Variants in NAV1 observed in about 807,000 individuals in gnomAD.
The protein encoded by NAV1 is pore membrane and/or filament interacting like protein 3.
A neutral mutation model predicts 175.2 loss-of-function variants in NAV1; 18 were observed. That is an observed-to-expected ratio of 0.10 (90% CI 0.07 to 0.15). NAV1 has a LOEUF of 0.15. Ranked by LOEUF, NAV1 falls within the 10% of genes least tolerant of loss-of-function variation. The pLI is 1.00. For synonymous variants in NAV1, 897 were observed against 978.7 expected, an observed-to-expected ratio of 0.92 and a Z score of 1.56; for missense variants, 1,731 against 2,436.6, an observed-to-expected ratio of 0.71 and a Z score of 6.10.
intron 2 of NAV1, among the ~76,000 whole-genome samples, chr1:201,610,584 T>G (rs997037256): frequency 3.9e-5 from 6 of 152,208 alleles, no homozygotes; most frequent in Non-Finnish European, 8.8e-5. Flanking sequence ...GAGATCTCCA[T>G]GTCCTGCCTC....
At chr1:201,684,969 A>C (rs1670622803) in intron 1 of NAV1, among the ~76,000 whole-genome samples, 2 of 151,058 alleles carry the variant, frequency 1.3e-5, no homozygotes, top group Admixed American at 1.3e-4. Context: ...CTCAAAAAAA[A>C]AAAAAAAACC....
In NAV1 at chr1:201,803,577, T is replaced by A. The variant is rs1438044882; in HGVS notation, c.3518-16T>A. On this transcript the variant is annotated splice_polypyrimidine_tract_variant and intron_variant, in intron 15 of 29. Coordinates refer to ENST00000367296, the Ensembl canonical transcript of NAV1. ...TAAATCTGTTCTATGTTTTTCCCAC[T>A]TGTACTTGGCCCTAGAACTTCGGAT... The A allele has an allele frequency of 2.5e-6, 4 of 1,611,492 alleles. No individual in the cohort carries two copies. In the Admixed American group the frequency reaches 6.7e-5, roughly 27 times the overall value.
At chr1:201,557,690 C>G (rs555586682) in intron 1 of NAV1, among the ~76,000 whole-genome samples, 1 of 152,274 alleles carries the variant, frequency 6.6e-6, no homozygotes, top group South Asian at 2.1e-4. Context: ...CTAGATAGAA[C>G]AAGTAATTAA....
At chr1:201,690,862 A>G (rs988966494) in intron 1 of NAV1, among the ~76,000 whole-genome samples, 5 of 152,238 alleles carry the variant, frequency 3.3e-5, no homozygotes, top group African/African-American at 9.6e-5. Context: ...TCTCTTCCCC[A>G]GGAAAATGAA....
chr1:201,701,028 A>G (rs978523655), intron 1 of NAV1, among the ~76,000 whole-genome samples: 5 of 150,138 alleles, frequency 3.3e-5, no homozygotes, highest in Non-Finnish European at 7.4e-5. Context: ...AAAAAAAAAA[A>G]AAAAGAAAGA....
intron 1 of NAV1, chr1:201,673,394 G>A (rs892299887): frequency 2.0e-5 from 3 of 152,242 alleles, no homozygotes; most frequent in African/African-American, 7.2e-5. Context: ...GGGAGATGGA[G>A]AGACAGTGAA....
chr1:201,712,511 G>A (rs920098015), intron 1 of NAV1, among the ~76,000 whole-genome samples: 2 of 152,206 alleles, frequency 1.3e-5, no homozygotes, highest in African/African-American at 2.4e-5. Flanking sequence ...GAGAAGCAGG[G>A]CCTCCCCAAA....
At chr1:201,781,773 CTT>C (rs1301904030) in intron 5 of NAV1, among the ~76,000 whole-genome samples, 1 of 152,174 alleles carries the variant, frequency 6.6e-6, no homozygotes, top group Non-Finnish European at 1.5e-5. Flanking sequence ...CCTTGGGTAA[CTT>C]TTAGCCTTAA....
chr1:201,596,512 G>A (rs1418835093), intron 2 of NAV1, among the ~76,000 whole-genome samples: 1 of 152,188 alleles, frequency 6.6e-6, no homozygotes, highest in Non-Finnish European at 1.5e-5. Flanking sequence ...GAACTCCTCA[G>A]GACTTTTTGT....
rs1298076431 is a variant in NAV1, at chr1:201,808,804, A to G, written c.4140A>G (p.Leu1380=). Residue 1380 remains leucine (L), a synonymous_variant, in exon 20 of 30, where the codon TTA becomes TTG. Transcript: ENST00000367296. The surrounding 1 kb of genome is among the most constrained non-coding windows in gnomAD (Gnocchi z 5.5). ...GGCAGGTCCCTGGATCATCTGCATTATCTTCCCCACGCCGCTCCCTAGGCC... is the reference window on the plus strand; with the variant it reads ...GGCAGGTCCCTGGATCATCTGCATTGTCTTCCCCACGCCGCTCCCTAGGCC... 26 of 1,614,010 alleles carry G rather than the reference A, an allele frequency of 1.6e-5. 2 individuals carry two copies. The South Asian group carries it at 2.7e-4, about 17-fold the overall frequency.
At chr1:201,548,087 C>T (rs1048205941) in intron 1 of NAV1, among the ~76,000 whole-genome samples, 1 of 152,256 alleles carries the variant, frequency 6.6e-6, no homozygotes, top group Non-Finnish European at 1.5e-5. Context: ...CCACTGTGCC[C>T]AGCCCACTAG....
chr1:201,649,407 C>A, exon 1 of NAV1: 1 of 1,570,434 alleles, frequency 6.4e-7, no homozygotes. Flanking sequence ...GGAGCAGCTG[C>A]TCTTCAGCCA....
At chr1:201,585,098 C>T (rs1213610816) in intron 1 of NAV1, among the ~76,000 whole-genome samples, 1 of 151,360 alleles carries the variant, frequency 6.6e-6, no homozygotes, top group African/African-American at 2.4e-5. Flanking sequence ...GGGGCCTGAT[C>T]TTCTCCCCAG....
chr1:201,573,308 G>GAT (rs987841304), intron 1 of NAV1, among the ~76,000 whole-genome samples: 2 of 144,216 alleles, frequency 1.4e-5, no homozygotes, highest in African/African-American at 5.5e-5. Flanking sequence ...TTCATCTCCT[G>GAT]ATATGTGTGT....
At chr1:201,755,572 A>G (rs992168672) in intron 3 of NAV1, among the ~76,000 whole-genome samples, 3 of 152,232 alleles carry the variant, frequency 2.0e-5, no homozygotes, top group African/African-American at 7.2e-5. Context: ...GCTGCAGGAT[A>G]GGAACTAAAC....
rs566214709 is a variant in NAV1, at chr1:201,562,171, AT to A, written c.-144+22846del. On this transcript the variant is annotated intron_variant, in intron 1 of 33. Coordinates refer to the NAV1 transcript ENST00000685211. ...AGGCACACACCACCTTGCCTGGCTAATTTTTTTTTTTTTTTTTGTAGAGACA... is the reference window on the plus strand; with the variant it reads ...AGGCACACACCACCTTGCCTGGCTAATTTTTTTTTTTTTTTTGTAGAGACA... Among the ~76,000 whole-genome samples, 662 of 127,182 alleles carry A rather than the reference AT, an allele frequency of 5.2e-3. 6 individuals are homozygous for A. Among genetic ancestry groups the A allele is most frequent in the African/African-American group, 0.014 (418 of 30,798 alleles). 83.4% of individuals were successfully genotyped at this position (127,182 alleles called of 152,430 possible). A position where few individuals can be genotyped will look rare whatever the true frequency, so the allele number is the denominator to read the frequency against.
At chr1:201,800,760 A>T (rs1226201682) in intron 15 of NAV1, among the ~76,000 whole-genome samples, 3 of 149,822 alleles carry the variant, frequency 2.0e-5, no homozygotes, top group Admixed American at 2.0e-4. Context: ...ACATATATGG[A>T]TACGTATATT....
chr1:201,708,253 A>G (rs1571898268), intron 1 of NAV1, among the ~76,000 whole-genome samples: 1 of 128,526 alleles, frequency 7.8e-6, no homozygotes, highest in Admixed American at 7.8e-5. Context: ...CTGGGTTGGG[A>G]GAGACTTGCA....
exon 9 of NAV1, chr1:201,786,534 A>C (rs754362505): frequency 1.2e-6 from 2 of 1,613,938 alleles, no homozygotes; most frequent in Admixed American, 3.3e-5. Flanking sequence ...CTCCCCCTGC[A>C]CTTCCCATGT....
Sources: allele counts gnomAD v4.1 joint callset (sites outside exome capture counted in the v4.1 genomes callset), GRCh38; gene constraint gnomAD v4.1.1; non-coding constraint Gnocchi (gnomAD v3.1); transcripts MANE v1.5; gene names NCBI Gene and HGNC (gene_info 2026-07-23, HGNC 2026-07-21).